CPA6: variants seen among roughly 807,000 people sequenced by gnomAD.
The protein encoded by CPA6 is carboxypeptidase A6, also known as carboxypeptidase B.
A neutral mutation model predicts 63.3 loss-of-function variants in CPA6; 58 were observed. That is an observed-to-expected ratio of 0.92 (90% CI 0.74 to 1.14). The LOEUF (loss-of-function observed/expected upper bound fraction) is 1.14, where lower values mean the gene tolerates loss of function less well. CPA6 is among the 50% of genes most tolerant of loss of function. The pLI, the probability that CPA6 is intolerant of heterozygous loss-of-function variation, is 0.00. For synonymous variants in CPA6, 185 were observed against 179.0 expected, an observed-to-expected ratio of 1.03 and a Z score of -0.27; for missense variants, 565 against 526.6, an observed-to-expected ratio of 1.07 and a Z score of -0.71.
chr8:67,646,765 G>C (rs1188556896), intron 1 of CPA6, among the ~76,000 whole-genome samples: 1 of 152,114 alleles, frequency 6.6e-6, no homozygotes, highest in East Asian at 1.9e-4. Context: ...GAAGATTTGA[G>C]GGAAGAGGGC....
At chr8:67,571,870 T>C (rs893491596) in intron 2 of CPA6, among the ~76,000 whole-genome samples, 1 of 151,258 alleles carries the variant, frequency 6.6e-6, no homozygotes, top group African/African-American at 2.4e-5. Context: ...AGAAAAACAA[T>C]ATGGAAGATT....
At chr8:67,739,422 C>T (rs993228767) in intron 1 of CPA6, among the ~76,000 whole-genome samples, 9 of 152,226 alleles carry the variant, frequency 5.9e-5, no homozygotes, top group African/African-American at 1.9e-4. Flanking sequence ...CCAGAAGGCA[C>T]TGGAGAACTA....
At chr8:67,460,461 T>C (rs1810775480) in intron 8 of CPA6, among the ~76,000 whole-genome samples, 1 of 152,218 alleles carries the variant, frequency 6.6e-6, no homozygotes, top group African/African-American at 2.4e-5. Context: ...TACCAGCAAA[T>C]ATGAATGAAT....
chr8:67,461,952 T>C (rs1810823145), intron 8 of CPA6, among the ~76,000 whole-genome samples: 1 of 152,128 alleles, frequency 6.6e-6, no homozygotes. Flanking sequence ...AGGAGAAGGG[T>C]TTTGAATAGT....
intron 8 of CPA6, among the ~76,000 whole-genome samples, chr8:67,434,540 GAAC>G (rs1810102456): frequency 6.6e-6 from 1 of 152,192 alleles, no homozygotes; most frequent in Admixed American, 6.5e-5. Context: ...CTAGCAGCTA[GAAC>G]AATAGTACAG....
intron 2 of CPA6, among the ~76,000 whole-genome samples, chr8:67,586,843 T>C (rs539534215): frequency 6.6e-6 from 1 of 152,162 alleles, no homozygotes; most frequent in Non-Finnish European, 1.5e-5. Context: ...GGTTAAAAAA[T>C]AGTAGGCTGA....
At chr8:67,706,905 TATAA>T (rs1450019348) in intron 1 of CPA6, among the ~76,000 whole-genome samples, 1 of 152,234 alleles carries the variant, frequency 6.6e-6, no homozygotes, top group Non-Finnish European at 1.5e-5. Context: ...ACTGTATCTG[TATAA>T]ATGTGTTATT....
At chr8:67,597,516 T>A (rs1009679478) in intron 2 of CPA6, among the ~76,000 whole-genome samples, 1 of 152,176 alleles carries the variant, frequency 6.6e-6, no homozygotes, top group Non-Finnish European at 1.5e-5. Context: ...TTATCTTGCA[T>A]TTTTAATTTT....
rs11379483 is a variant in CPA6 at position 67,491,223 on chromosome 8, GTTTTTTTT to G, written c.637-6442_637-6435del. ...GGAGTCGGGGAGAGTTTACAGGGAA[GTTTTTTTT>G]TTTTTTTTTTTCAAAGGGGAGCTTA... On this transcript the variant is annotated intron_variant, in intron 6 of 10. Transcript: ENST00000297770. Among the ~76,000 whole-genome samples the G allele has an allele frequency of 3.2e-5, 4 of 125,444 alleles. No individual in the cohort carries two copies. The South Asian group carries it at 1.2e-3, about 37-fold the overall frequency. The allele number at this position is 125,444 out of a possible 152,430, so 82.3% of individuals were successfully genotyped here.
chr8:67,734,265 T>G (rs77535437), intron 1 of CPA6, among the ~76,000 whole-genome samples: 1,842 of 150,878 alleles, frequency 0.012, 40 homozygotes, highest in African/African-American at 0.042. Context: ...CAGGTGTGTG[T>G]GTGGGTGCTT....
At chr8:67,475,277 G>A (rs1811148149) in intron 8 of CPA6, among the ~76,000 whole-genome samples, 2 of 152,186 alleles carry the variant, frequency 1.3e-5, no homozygotes, top group South Asian at 4.1e-4. Context: ...ACACTATGAT[G>A]AGGATAAAAG....
intron 2 of CPA6, among the ~76,000 whole-genome samples, chr8:67,567,647 AC>A (rs1813372593): frequency 6.6e-6 from 1 of 152,220 alleles, no homozygotes; most frequent in South Asian, 2.1e-4. Context: ...ATAAATCTGA[AC>A]CACTTGTGTG....
intron 1 of CPA6, among the ~76,000 whole-genome samples, chr8:67,683,121 A>C (rs1816633155): frequency 6.6e-6 from 1 of 152,168 alleles, no homozygotes; most frequent in South Asian, 2.1e-4. Flanking sequence ...CAGTAGCTGG[A>C]GCAATCATAG....
Position 67,469,859 on chromosome 8 carries a change from CT to C in CPA6, c.838+13908del, listed in dbSNP as rs1046979501. The stretch of plus-strand genomic sequence containing the variant: ...CCTTCTCCACTCCCTCTTTCTCTCT[CT>C]TTTTTTCCCCTTCCCTTCACTCATT... On this transcript the variant is annotated intron_variant, in intron 8 of 10. Transcript: ENST00000297770. Among the ~76,000 whole-genome samples, 11 of 152,194 alleles carry C rather than the reference CT, an allele frequency of 7.2e-5. No individual in the cohort carries two copies. The East Asian group carries it at 1.2e-3, about 16-fold the overall frequency.
At chr8:67,447,536 CACACACACACAT>C (rs1207730786) in intron 8 of CPA6, among the ~76,000 whole-genome samples, 1,587 of 147,314 alleles carry the variant, frequency 0.011, 25 homozygotes, top group African/African-American at 0.04. Flanking sequence ...CACACACACA[CACACACACACAT>C]ACACATTTTA....
intron 2 of CPA6, among the ~76,000 whole-genome samples, chr8:67,564,459 G>T (rs1813290178): frequency 6.6e-6 from 1 of 151,432 alleles, no homozygotes; most frequent in South Asian, 2.1e-4. Flanking sequence ...CTACATCTAA[G>T]GTGTTAGCTT....
intron 1 of CPA6, among the ~76,000 whole-genome samples, chr8:67,739,601 G>A (rs1041108237): frequency 1.3e-5 from 2 of 152,104 alleles, no homozygotes; most frequent in African/African-American, 4.8e-5. Flanking sequence ...TATGAATGGC[G>A]CCTGCTTGCT....
intron 2 of CPA6, among the ~76,000 whole-genome samples, chr8:67,554,153 C>T (rs1813009643): frequency 6.6e-6 from 1 of 152,068 alleles, no homozygotes; most frequent in African/African-American, 2.4e-5. Context: ...GTCATTCTTG[C>T]ACTGCTATAA....
chr8:67,438,766 G>GA (rs11382049), intron 8 of CPA6, among the ~76,000 whole-genome samples: 90,679 of 151,802 alleles, frequency 0.6, 29,817 homozygotes, highest in African/African-American at 0.9. Context: ...CAAATTGATG[G>GA]AAAATAAAGA....
Sources: gnomAD v4.1 joint callset for allele counts (sites outside exome capture counted in the v4.1 genomes callset) on GRCh38, gnomAD v4.1.1 for gene constraint, MANE v1.5 for transcripts, NCBI Gene and HGNC (gene_info 2026-07-23, HGNC 2026-07-21) for gene names.